The following FHOD3 variants were observed in gnomAD, a reference collection of about 807,000 sequenced individuals.
The protein encoded by FHOD3 is formin homology 2 domain containing 3.
Under a neutral mutation model 173.0 loss-of-function variants are expected in FHOD3, and 90 were observed. That is an observed-to-expected ratio of 0.52 (90% CI 0.44 to 0.62). The LOEUF is 0.62. Among genes scored for constraint, FHOD3 ranks in the 20% least tolerant of loss-of-function variants. The probability of loss-of-function intolerance (pLI) is 0.00; values close to 1 mark genes in which losing one functional copy is unlikely to be tolerated. For missense variants in FHOD3, 1,945 were observed against 2,034.7 expected (o/e 0.96, Z 0.85); for synonymous variants, 828 against 823.0 (o/e 1.01, Z -0.10).
chr18:36,680,291 G>T (rs928459018), intron 14 of FHOD3, among the ~76,000 whole-genome samples: 94 of 152,154 alleles, frequency 6.2e-4, no homozygotes, highest in African/African-American at 2.2e-3. Context: ...ATGGCAGTCT[G>T]TAATATGAAA....
intron 3 of FHOD3, among the ~76,000 whole-genome samples, chr18:36,406,135 C>T (rs981970387): frequency 6.7e-6 from 1 of 150,012 alleles, no homozygotes; most frequent in African/African-American, 2.5e-5. Context: ...AGCAAGGTGG[C>T]ACCTGCAGAT....
At chr18:36,712,858 A>T (rs557228587) in intron 18 of FHOD3, among the ~76,000 whole-genome samples, 66 of 146,118 alleles carry the variant, frequency 4.5e-4, no homozygotes, top group African/African-American at 1.2e-3. Context: ...AAAAAAAAAA[A>T]TTTTGTAAGA....
At chr18:36,321,069 T>A (rs1297221218) in intron 1 of FHOD3, among the ~76,000 whole-genome samples, 1 of 105,774 alleles carries the variant, frequency 9.5e-6, no homozygotes, top group Non-Finnish European at 1.9e-5. Flanking sequence ...TCTCGAGATT[T>A]CCTGTGATTT....
chr18:36,485,581 A>G (rs961834859), intron 3 of FHOD3, among the ~76,000 whole-genome samples: 1 of 152,230 alleles, frequency 6.6e-6, no homozygotes, highest in African/African-American at 2.4e-5. Context: ...ATGAAGTACC[A>G]GTGGAGCTTG....
chr18:36,760,959 T>G (rs1369449280), intron 27 of FHOD3, among the ~76,000 whole-genome samples, 177 bp downstream of exon 27: 2 of 152,106 alleles, frequency 1.3e-5, no homozygotes, highest in Non-Finnish European at 2.9e-5. Flanking sequence ...TAGCTTCATC[T>G]CCAAAACAAA....
At position 36,326,136 on chromosome 18, in the gene FHOD3, G is replaced by A. The variant is rs80111442; in HGVS notation, c.165+28136G>A. 2.0e-5 allele frequency among the ~76,000 whole-genome samples: 3 copies of A among 152,256 alleles called. No individual in the cohort carries two copies. The East Asian group carries it at 5.8e-4, about 29-fold the overall frequency. ...TACAAAAATGTCTTTTGCAAGCCCT[G>A]GGGTTTTCAGTCTGGCCCCTTCTTG... is the stretch of plus-strand genomic sequence containing the variant. On this transcript the variant is annotated intron_variant, in intron 1 of 28. Coordinates refer to ENST00000590592, the MANE Select transcript of FHOD3 (RefSeq NM_001281740.3).
intron 5 of FHOD3, among the ~76,000 whole-genome samples, chr18:36,545,339 A>G (rs935235936): frequency 2.0e-5 from 3 of 152,220 alleles, no homozygotes; most frequent in East Asian, 3.8e-4. Flanking sequence ...AAAGTAAAGC[A>G]GGTGTGAGGC....
rs2044725716 is a variant in FHOD3, at chr18:36,327,370, T to G, written c.166-28169T>G. 2.0e-5 allele frequency among the ~76,000 whole-genome samples: 3 copies of G among 152,266 alleles called. No individual in the cohort carries two copies. The South Asian group carries it at 6.2e-4, about 32-fold the overall frequency. On this transcript the variant is annotated intron_variant, in intron 1 of 28. Coordinates refer to ENST00000590592, the MANE Select transcript of FHOD3 (RefSeq NM_001281740.3). ...TAAAAAATGGCTTATTGTATAGGTATTAGCTTGGTGCAAATGTGCGGCTTT... is the reference window on the plus strand; with the variant it reads ...TAAAAAATGGCTTATTGTATAGGTAGTAGCTTGGTGCAAATGTGCGGCTTT...
At chr18:36,677,547 A>G (rs1228568634) in intron 14 of FHOD3, among the ~76,000 whole-genome samples, 1 of 152,194 alleles carries the variant, frequency 6.6e-6, no homozygotes, top group Non-Finnish European at 1.5e-5. Flanking sequence ...GACATGAATC[A>G]GGATTCTATC....
intron 28 of FHOD3, among the ~76,000 whole-genome samples, chr18:36,773,050 C>T (rs1346576058): frequency 6.6e-6 from 1 of 152,232 alleles, no homozygotes; most frequent in East Asian, 1.9e-4. Context: ...TAGAGGGCAT[C>T]CCTCTCTCCA....
chr18:36,642,515 G>A (rs2035391608), intron 10 of FHOD3, among the ~76,000 whole-genome samples: 1 of 148,988 alleles, frequency 6.7e-6, no homozygotes, highest in African/African-American at 2.5e-5. Context: ...GCTAGGAGGC[G>A]GAGCTTACGG....
chr18:36,635,007 C>A lies in FHOD3; in HGVS notation c.1196+9258C>A, dbSNP rs112948060. 5.9e-3 allele frequency among the ~76,000 whole-genome samples: 903 copies of A among 152,226 alleles called. 4 individuals carry two copies. The highest frequency in any genetic ancestry group is 0.02 in the African/African-American group (816 of 41,540). ...ACTTGTTATAAATGGGATTCACTGA[C>A]AAGTGTGGTGACCTCCTGACAAAAG... On this transcript the variant is annotated intron_variant, in intron 10 of 28. Coordinates refer to ENST00000590592, the MANE Select transcript of FHOD3 (RefSeq NM_001281740.3).
rs185932773 is a variant in FHOD3 at position 36,590,105 on chromosome 18, C to T, written c.607-4682C>T. Among the ~76,000 whole-genome samples the T allele has an allele frequency of 3.9e-5, 6 of 152,300 alleles. No homozygotes were observed. In the East Asian group the frequency reaches 1.2e-3, roughly 29 times the overall value. On this transcript the variant is annotated intron_variant, in intron 6 of 28. Coordinates refer to ENST00000590592, the MANE Select transcript of FHOD3 (RefSeq NM_001281740.3). ...TCTTGCTGCCACACTGGGCCTGCCT[C>T]TCCTTCTCCGTCATTATCCTCCCCG...
chr18:36,760,634 G>A lies in FHOD3; in HGVS notation c.4476G>A (p.Pro1492=), dbSNP rs754018496. The change falls in exon 27 of 29, where the codon CCG becomes CCA. Residue 1492 remains proline, a synonymous_variant. Transcript: ENST00000590592. ...CTGGCAAGTTCTCCGGCAGTTCTCC[G>A]GCGCCCCCAAGCCAGCCGCAGGGTC... ...VESGKFSGSS[P]APPSQPQGLS... is the part of the protein sequence containing the mutation. The A allele has an allele frequency of 9.5e-6, 15 of 1,586,946 alleles. No individual in the cohort carries two copies. The African/African-American group carries it at 1.1e-4, about 12-fold the overall frequency.
chr18:36,602,661 G>A lies in FHOD3; in HGVS notation c.719-13G>A. On this transcript the variant is annotated splice_polypyrimidine_tract_variant and intron_variant, in intron 7 of 28. Coordinates refer to ENST00000590592, the MANE Select transcript of FHOD3 (RefSeq NM_001281740.3). ...TGAATTGCTGTTTCTAATGATTTTT[G>A]CTTTACTCATAGGGGTCAAACCTTG... The A allele has an allele frequency of 6.3e-7, 1 of 1,589,728 alleles. No homozygotes were observed. The highest frequency in any genetic ancestry group is 8.6e-7 in the Non-Finnish European group (1 of 1,158,168).
chr18:36,657,951 C>T (rs1017325781), intron 13 of FHOD3, 124 bp from the exon 14 acceptor site: 8 of 648,112 alleles, frequency 1.2e-5, no homozygotes, highest in Non-Finnish European at 2.1e-5. Context: ...TTACCACTAA[C>T]AGTGGTAGCA....
At chr18:36,498,748 C>T (rs1201500152) in intron 3 of FHOD3, among the ~76,000 whole-genome samples, 1 of 152,108 alleles carries the variant, frequency 6.6e-6, no homozygotes, top group African/African-American at 2.4e-5. Context: ...AACACCATTG[C>T]AAGAAAAGAA....
At chr18:36,741,995 G>A (rs1371587575) in intron 21 of FHOD3, among the ~76,000 whole-genome samples, 1 of 152,152 alleles carries the variant, frequency 6.6e-6, no homozygotes, top group African/African-American at 2.4e-5. Context: ...ATGCTCAGGT[G>A]ACTTTTTTTA....
intron 8 of FHOD3, among the ~76,000 whole-genome samples, chr18:36,607,525 A>G (rs76673721): frequency 0.072 from 10,920 of 152,144 alleles, 588 homozygotes; most frequent in East Asian, 0.29. Context: ...TATCCATACT[A>G]TAATCCTTTT....
Sources: allele counts gnomAD v4.1 joint callset (sites outside exome capture counted in the v4.1 genomes callset), GRCh38; gene constraint gnomAD v4.1.1; transcripts MANE v1.5; gene names NCBI Gene and HGNC (gene_info 2026-07-23, HGNC 2026-07-21).